PHACTR1: variants seen among roughly 807,000 people sequenced by gnomAD.
PHACTR1 encodes RPEL repeat containing 1.
Under a neutral mutation model 69.2 loss-of-function variants are expected in PHACTR1, and 16 were observed. The ratio of observed to expected loss-of-function variants is 0.23; its 90% CI spans 0.16 to 0.35. The LOEUF (loss-of-function observed/expected upper bound fraction) is 0.35. Ranked by LOEUF, PHACTR1 falls within the 10% of genes least tolerant of loss-of-function variation. The probability of loss-of-function intolerance (pLI) is 1.00; values close to 1 mark genes in which losing one functional copy is unlikely to be tolerated. For synonymous variants in PHACTR1, 312 were observed against 284.5 expected (o/e 1.10, Z -0.97); for missense variants, 510 against 734.7 (o/e 0.69, Z 3.54).
intron 4 of PHACTR1, among the ~76,000 whole-genome samples, chr6:12,815,809 A>T (rs1775514857): frequency 6.6e-6 from 1 of 152,224 alleles, no homozygotes; most frequent in South Asian, 2.1e-4. Flanking sequence ...AATAGTAGGT[A>T]GTACCTTTCC....
At chr6:12,833,506 G>A (rs753059383) in intron 4 of PHACTR1, among the ~76,000 whole-genome samples, 34 of 151,978 alleles carry the variant, frequency 2.2e-4, no homozygotes, top group South Asian at 4.2e-4. Flanking sequence ...TGATCTGCCC[G>A]CCTCAGCCTC....
intron 8 of PHACTR1, among the ~76,000 whole-genome samples, chr6:13,220,582 A>G (rs1768451219): frequency 6.6e-6 from 1 of 152,192 alleles, no homozygotes; most frequent in South Asian, 2.1e-4. Flanking sequence ...CTGTGCAGAC[A>G]CAGTCCTGGA....
At chr6:12,984,590 G>T (rs1795896929) in intron 4 of PHACTR1, among the ~76,000 whole-genome samples, 1 of 152,224 alleles carries the variant, frequency 6.6e-6, no homozygotes, top group South Asian at 2.1e-4. Flanking sequence ...CCCCTCTGGT[G>T]TTCCAAGAAA....
chr6:13,255,864 G>A (rs1293403581), intron 10 of PHACTR1, among the ~76,000 whole-genome samples: 1 of 152,214 alleles, frequency 6.6e-6, no homozygotes, highest in Non-Finnish European at 1.5e-5. Context: ...TCTCGGTACA[G>A]GGTGCAAGCT....
intron 10 of PHACTR1, among the ~76,000 whole-genome samples, chr6:13,247,692 A>G (rs1300896773): frequency 6.6e-6 from 1 of 152,004 alleles, no homozygotes; most frequent in African/African-American, 2.4e-5. Context: ...GCATCTTCCT[A>G]TACACTAACA....
At chr6:12,771,712 G>C (rs1769402183) in intron 4 of PHACTR1, among the ~76,000 whole-genome samples, 2 of 152,136 alleles carry the variant, frequency 1.3e-5, no homozygotes, top group African/African-American at 2.4e-5. Context: ...CCATGACATG[G>C]CAAAAAGTTA....
At chr6:13,109,835 T>C (rs1049513096) in intron 5 of PHACTR1, among the ~76,000 whole-genome samples, 1 of 127,520 alleles carries the variant, frequency 7.8e-6, no homozygotes, top group Admixed American at 7.8e-5. Flanking sequence ...TTTTTCAGCG[T>C]GTGTGTGTGT....
At chr6:12,824,946 A>C (rs1383803551) in intron 4 of PHACTR1, among the ~76,000 whole-genome samples, 1 of 152,174 alleles carries the variant, frequency 6.6e-6, no homozygotes, top group Non-Finnish European at 1.5e-5. Context: ...CCACATCTGT[A>C]AAATCAATGG....
intron 4 of PHACTR1, among the ~76,000 whole-genome samples, chr6:12,948,758 C>T (rs1260275241): frequency 6.6e-6 from 1 of 152,184 alleles, no homozygotes; most frequent in Non-Finnish European, 1.5e-5. Context: ...TGTTCATCAT[C>T]TACATTTCAT....
At chr6:13,260,816 A>G (rs1481608858) in intron 10 of PHACTR1, among the ~76,000 whole-genome samples, 2 of 152,214 alleles carry the variant, frequency 1.3e-5, no homozygotes, top group Non-Finnish European at 2.9e-5. Flanking sequence ...ATCATATAAT[A>G]GAGAAAGGTT....
rs1940507064 is a variant in PHACTR1, at chr6:12,881,062, T to G, written c.250+131272T>G. On this transcript the variant is annotated intron_variant, in intron 4 of 14. Coordinates refer to ENST00000332995, the MANE Select transcript of PHACTR1 (RefSeq NM_030948.6). The stretch of plus-strand genomic sequence containing the variant: ...CTGACAGGTAGTCTGGGCGAAGGTG[T>G]GTAAAGTACGAAGCACAGTGCCAGG... Among the ~76,000 whole-genome samples, 3 of 152,204 alleles carry G rather than the reference T, an allele frequency of 2.0e-5. No individual in the cohort carries two copies. In the South Asian group the frequency reaches 6.2e-4, roughly 31 times the overall value.
chr6:13,270,626 T>C (rs1335126374), intron 10 of PHACTR1, among the ~76,000 whole-genome samples: 1 of 152,224 alleles, frequency 6.6e-6, no homozygotes, highest in African/African-American at 2.4e-5. Flanking sequence ...CAGGGATATT[T>C]TGAAAAGGAA....
chr6:12,851,167 C>T (rs1017724649), intron 4 of PHACTR1, among the ~76,000 whole-genome samples: 4 of 152,256 alleles, frequency 2.6e-5, no homozygotes, highest in East Asian at 1.9e-4. Flanking sequence ...TTTAGAAAAT[C>T]GGACATGTCC....
At chr6:12,946,386 A>C (rs949721445) in intron 4 of PHACTR1, among the ~76,000 whole-genome samples, 1 of 152,184 alleles carries the variant, frequency 6.6e-6, no homozygotes, top group Non-Finnish European at 1.5e-5. Flanking sequence ...GGTTTTAGGA[A>C]GCCAATTCTG....
intron 4 of PHACTR1, among the ~76,000 whole-genome samples, chr6:12,836,636 T>A (rs1273226863): frequency 6.6e-6 from 1 of 152,182 alleles, no homozygotes. Context: ...AAAAATAACC[T>A]AAGCCTGCAG....
At chr6:13,003,950 C>CATATATATATATATA (rs1562119669) in intron 4 of PHACTR1, among the ~76,000 whole-genome samples, 5 of 81,364 alleles carry the variant, frequency 6.1e-5, no homozygotes, top group Admixed American at 1.1e-4. Context: ...CAGTAGTATT[C>CATATATATATATATA]CTATATATAT....
chr6:12,763,461 A>G (rs1768263573), intron 4 of PHACTR1, among the ~76,000 whole-genome samples: 1 of 152,210 alleles, frequency 6.6e-6, no homozygotes, highest in South Asian at 2.1e-4. Flanking sequence ...TCATCTATGG[A>G]GTCCTTTCAT....
intron 13 of PHACTR1, among the ~76,000 whole-genome samples, chr6:13,284,083 T>C (rs1780931942): frequency 6.6e-6 from 1 of 152,192 alleles, no homozygotes; most frequent in Admixed American, 6.5e-5. Flanking sequence ...AGTTTGTTTT[T>C]TAGGAAAAGC....
chr6:13,241,894 G>A (rs1313757867), intron 10 of PHACTR1, among the ~76,000 whole-genome samples: 1 of 151,830 alleles, frequency 6.6e-6, no homozygotes, highest in Non-Finnish European at 1.5e-5. Context: ...CTAGCCAGGT[G>A]TGGTGGCACA....
Sources: allele counts gnomAD v4.1 joint callset (sites outside exome capture counted in the v4.1 genomes callset), GRCh38; gene constraint gnomAD v4.1.1; transcripts MANE v1.5; gene names NCBI Gene and HGNC (gene_info 2026-07-23, HGNC 2026-07-21).